CNTNAP2: variants seen among roughly 807,000 people sequenced by gnomAD.
CNTNAP2 encodes the protein contactin associated protein 2.
A neutral mutation model predicts 155.2 loss-of-function variants in CNTNAP2; 98 were observed. The observed-to-expected ratio is 0.63, with a 90% CI of 0.54 to 0.75. The LOEUF (loss-of-function observed/expected upper bound fraction) is 0.75. Ranked by LOEUF, CNTNAP2 falls within the 30% of genes least tolerant of loss-of-function variation. The pLI, the probability that CNTNAP2 is intolerant of heterozygous loss-of-function variation, is 0.00. For synonymous variants in CNTNAP2, 651 were observed against 631.2 expected, an observed-to-expected ratio of 1.03 and a Z score of -0.47; for missense variants, 1,727 against 1,688.1, an observed-to-expected ratio of 1.02 and a Z score of -0.40.
At chr7:146,897,603 T>G (rs2129212865) in intron 3 of CNTNAP2, among the ~76,000 whole-genome samples, 1 of 151,998 alleles carries the variant, frequency 6.6e-6, no homozygotes, top group South Asian at 2.1e-4. Context: ...TTTCTTGGCC[T>G]TTAGGAAACA....
At chr7:147,072,676 A>G (rs1004991420) in intron 4 of CNTNAP2, among the ~76,000 whole-genome samples, 1 of 151,984 alleles carries the variant, frequency 6.6e-6, no homozygotes, top group African/African-American at 2.4e-5. Flanking sequence ...AAGTGCTGGA[A>G]ATGCCTCCCA....
intron 10 of CNTNAP2, among the ~76,000 whole-genome samples, chr7:147,476,658 G>C (rs1487138639): frequency 6.6e-6 from 1 of 151,374 alleles, no homozygotes; most frequent in Non-Finnish European, 1.5e-5. Flanking sequence ...CAGGCGCGGT[G>C]GCTCACGCCT....
chr7:147,961,485 G>A (rs2116843321), intron 14 of CNTNAP2, among the ~76,000 whole-genome samples: 1 of 152,232 alleles, frequency 6.6e-6, no homozygotes, highest in Non-Finnish European at 1.5e-5. Flanking sequence ...TTTTAAGCAT[G>A]GGGCTTGTGA....
chr7:146,344,015 TAAA>T (rs1794775475), intron 1 of CNTNAP2, among the ~76,000 whole-genome samples: 1 of 152,030 alleles, frequency 6.6e-6, no homozygotes, highest in Non-Finnish European at 1.5e-5. Flanking sequence ...TGTTTAATCA[TAAA>T]AAATTATAAA....
chr7:147,286,543 A>G (rs1351218331), intron 8 of CNTNAP2, among the ~76,000 whole-genome samples: 4 of 152,128 alleles, frequency 2.6e-5, no homozygotes, highest in Non-Finnish European at 5.9e-5. Context: ...AAATGATAAT[A>G]TATGCATTAC....
In CNTNAP2 at chr7:147,557,840, A is replaced by C. The variant is rs1799980434; in HGVS notation, c.1778-4298A>C. Among the ~76,000 whole-genome samples, 3 of 152,354 alleles carry C rather than the reference A, an allele frequency of 2.0e-5. No homozygotes were observed. In the South Asian group the frequency reaches 6.2e-4, roughly 32 times the overall value. ...TTTGCAGTTTTTGCCATGACTTTTCATAGCAAAGCCGCAATTACTTTTGCA... is the reference window on the plus strand; with the variant it reads ...TTTGCAGTTTTTGCCATGACTTTTCCTAGCAAAGCCGCAATTACTTTTGCA... On this transcript the variant is annotated intron_variant, in intron 11 of 23. Transcript: ENST00000361727.
At chr7:146,426,739 A>G (rs893404738) in intron 1 of CNTNAP2, among the ~76,000 whole-genome samples, 2 of 152,094 alleles carry the variant, frequency 1.3e-5, no homozygotes, top group African/African-American at 4.8e-5. Flanking sequence ...ACGACACAAA[A>G]TATCAGTTAG....
rs1370399098 is a variant in CNTNAP2 at position 147,128,809 on chromosome 7, A to C, written c.1056A>C (p.Arg352Ser). Residue 352 changes from arginine to serine, a missense_variant, in exon 7 of 24, where the codon AGA (arginine) becomes AGC (serine). By Grantham distance (110) the Arg-to-Ser change is moderately radical. Transcript: ENST00000361727. ...GCGTCAACATTACTGATCTTGCCAGAAGGAAGAAATTAGAGCCCTCAAATG... is the reference window on the plus strand; with the variant it reads ...GCGTCAACATTACTGATCTTGCCAGCAGGAAGAAATTAGAGCCCTCAAATG... ...YNGVNITDLA[R>S]RKKLEPSNVG... 6.2e-7 allele frequency: 1 copy of C among 1,613,956 alleles called. No homozygotes were observed. The highest frequency in any genetic ancestry group is 1.3e-5 in the African/African-American group (1 of 74,916).
chr7:147,549,222 C>G (rs1799803990), intron 11 of CNTNAP2, among the ~76,000 whole-genome samples: 1 of 152,146 alleles, frequency 6.6e-6, no homozygotes, highest in Non-Finnish European at 1.5e-5. Context: ...AATGATTCTT[C>G]CTCTCCGTGA....
At chr7:147,175,927 C>T (rs1352401236) in intron 8 of CNTNAP2, among the ~76,000 whole-genome samples, 1 of 152,166 alleles carries the variant, frequency 6.6e-6, no homozygotes, top group Non-Finnish European at 1.5e-5. Context: ...TTCAGGATGA[C>T]ATGATGAACA....
At chr7:146,270,241 T>C (rs1800059437) in intron 1 of CNTNAP2, among the ~76,000 whole-genome samples, 1 of 152,198 alleles carries the variant, frequency 6.6e-6, no homozygotes, top group Non-Finnish European at 1.5e-5. Flanking sequence ...AATTCTTTTG[T>C]ATAGAATTCA....
At chr7:147,822,302 G>A (rs999160847) in intron 13 of CNTNAP2, among the ~76,000 whole-genome samples, 18 of 152,202 alleles carry the variant, frequency 1.2e-4, no homozygotes, top group African/African-American at 4.3e-4. Context: ...GATACATGGA[G>A]ATGTTGTGTA....
intron 1 of CNTNAP2, among the ~76,000 whole-genome samples, chr7:146,501,729 A>T (rs1037725649): frequency 1.4e-4 from 22 of 152,080 alleles, no homozygotes; most frequent in African/African-American, 5.1e-4. Context: ...TTGCAGATAT[A>T]ATTAAAGGAT....
rs990954556 is a variant in CNTNAP2, at chr7:147,556,764, C to A, written c.1778-5374C>A. On this transcript the variant is annotated intron_variant, in intron 11 of 23. Transcript: ENST00000361727. ...GTGAACCCCATTTCAAACTTCTAAC[C>A]AGAACTGTATCATTATTATTAACAG... is the stretch of plus-strand genomic sequence containing the variant. Among the ~76,000 whole-genome samples, 17 of 152,124 alleles carry A rather than the reference C, an allele frequency of 1.1e-4. 1 individual carries two copies. The highest frequency in any genetic ancestry group is 1.1e-3 in the Admixed American group (17 of 15,266).
At position 146,660,729 on chromosome 7, in the gene CNTNAP2, C is replaced by A. The variant is rs549270021; in HGVS notation, c.98-113542C>A. Among the ~76,000 whole-genome samples, 278 of 152,280 alleles carry A rather than the reference C, an allele frequency of 1.8e-3. 1 individual carries two copies. The highest frequency in any genetic ancestry group is 3.2e-3 in the Non-Finnish European group (219 of 68,028). On this transcript the variant is annotated intron_variant, in intron 1 of 23. Transcript: ENST00000361727. Reference sequence around the variant, plus strand: ...TTCTCTATAATTTAAGCCTGCTAATCCTCATTATGACTTAAGGGCTTCTTA... The same window carrying A: ...TTCTCTATAATTTAAGCCTGCTAATACTCATTATGACTTAAGGGCTTCTTA...
At chr7:147,111,429 T>C (rs186216614) in intron 5 of CNTNAP2, among the ~76,000 whole-genome samples, 1 of 152,226 alleles carries the variant, frequency 6.6e-6, no homozygotes, top group Non-Finnish European at 1.5e-5. Flanking sequence ...ATCTCCATCA[T>C]GAAATCTTTG....
rs117690361 is a variant in CNTNAP2 at position 148,229,349 on chromosome 7, C to T, written c.3248-297C>T. On this transcript the variant is annotated intron_variant, in intron 19 of 23. Transcript: ENST00000361727. The stretch of plus-strand genomic sequence containing the variant: ...GACCAGCCTGGCCAGCATGGTGAAA[C>T]CCCCATCACTACTGAAAATACAAAA... Among the ~76,000 whole-genome samples the T allele has an allele frequency of 5.8e-3, 889 of 152,122 alleles. 4 individuals carry two copies. The highest frequency in any genetic ancestry group is 0.01 in the Non-Finnish European group (703 of 67,992).
chr7:147,234,334 CTT>C (rs1225048153), intron 8 of CNTNAP2, among the ~76,000 whole-genome samples: 9,712 of 107,166 alleles, frequency 0.091, 268 homozygotes, highest in Middle Eastern at 0.11. Flanking sequence ...CAAGAGTATT[CTT>C]TTTTTTTTTT....
intron 20 of CNTNAP2, 49 bp downstream of exon 20, chr7:148,229,828 C>T: frequency 6.2e-7 from 1 of 1,602,524 alleles, no homozygotes; most frequent in Non-Finnish European, 8.5e-7. Context: ...CATTATAGTC[C>T]CTGTCCCTAT....
Sources: gnomAD v4.1 joint callset for allele counts (sites outside exome capture counted in the v4.1 genomes callset) on GRCh38, gnomAD v4.1.1 for gene constraint, MANE v1.5 for transcripts, NCBI Gene and HGNC (gene_info 2026-07-23, HGNC 2026-07-21) for gene names.